Variants in APPBP2 observed in about 807,000 individuals in gnomAD.
APPBP2 encodes the protein amyloid beta precursor protein binding protein 2, also known as amyloid protein-binding protein 2.
A neutral mutation model predicts 76.0 loss-of-function variants in APPBP2; 15 were observed. The ratio of observed to expected loss-of-function variants is 0.20; its 90% CI spans 0.13 to 0.30. APPBP2 has a LOEUF of 0.30. Ranked by LOEUF, APPBP2 falls within the 10% of genes least tolerant of loss-of-function variation. APPBP2 has a pLI of 1.00. For synonymous variants in APPBP2, 222 were observed against 242.2 expected (o/e 0.92, Z 0.77); for missense variants, 401 against 687.2 (o/e 0.58, Z 4.66).
At chr17:60,521,457 T>C (rs1365865020) in intron 1 of APPBP2, among the ~76,000 whole-genome samples, 4 of 152,244 alleles carry the variant, frequency 2.6e-5, no homozygotes, top group Admixed American at 2.6e-4. Flanking sequence ...CCATTCACGG[T>C]AAGTGCCCTA....
chr17:60,474,582 T>C (rs1358257430), intron 4 of APPBP2, among the ~76,000 whole-genome samples: 3 of 152,222 alleles, frequency 2.0e-5, no homozygotes, highest in Non-Finnish European at 2.9e-5. Flanking sequence ...AATACTACTT[T>C]GTTGTTCAAA....
chr17:60,513,291 A>C (rs1430028795), intron 1 of APPBP2: 1 of 516,338 alleles, frequency 1.9e-6, no homozygotes, highest in African/African-American at 2.0e-5. Flanking sequence ...CAATCAATGT[A>C]TATTTGGGAA....
intron 3 of APPBP2, among the ~76,000 whole-genome samples, chr17:60,483,200 G>T (rs1219090335): frequency 7.9e-5 from 12 of 152,118 alleles, no homozygotes; most frequent in Non-Finnish European, 2.9e-5. Context: ...ATTTTTTCAT[G>T]TGTCTGTTGG....
rs1160691125 is a variant in APPBP2 at position 60,446,676 on chromosome 17, A to T, written c.*905T>A. 1.3e-5 allele frequency: 2 copies of T among 152,252 alleles called. No homozygotes were observed. The highest frequency in any genetic ancestry group is 2.9e-5 in the Non-Finnish European group (2 of 68,040). 9.4% of individuals were successfully genotyped at this position (152,252 alleles called of 1,614,324 possible). A position where few individuals can be genotyped will look rare whatever the true frequency, so the allele number is the denominator to read the frequency against. ...ATGGCACTGCCATCTGTGTACCTTG[A>T]CTAAAAATATGCCATTGAAATTGCC... On this transcript the variant is annotated 3_prime_UTR_variant, in exon 13 of 13. Coordinates refer to ENST00000083182, the MANE Select transcript of APPBP2 (RefSeq NM_006380.5).
intron 11 of APPBP2, among the ~76,000 whole-genome samples, chr17:60,452,504 G>T (rs181307761): frequency 0.012 from 1,796 of 152,094 alleles, 20 homozygotes; most frequent in Non-Finnish European, 0.016. Flanking sequence ...TTCATTTTTT[G>T]GAATTTTGAC....
intron 1 of APPBP2, among the ~76,000 whole-genome samples, chr17:60,512,722 C>T (rs1186020983): frequency 6.7e-6 from 1 of 149,256 alleles, no homozygotes; most frequent in Non-Finnish European, 1.5e-5. Flanking sequence ...GTAGTCCCAG[C>T]TACTCAGGAG....
chr17:60,511,224 C>G (rs1200868652), intron 1 of APPBP2, among the ~76,000 whole-genome samples: 1 of 152,178 alleles, frequency 6.6e-6, no homozygotes, highest in Admixed American at 6.5e-5. Flanking sequence ...CTTGAAGTTT[C>G]ACTACCAATA....
intron 9 of APPBP2, among the ~76,000 whole-genome samples, chr17:60,458,441 A>C (rs1057154988): frequency 1.3e-5 from 2 of 151,978 alleles, no homozygotes; most frequent in Non-Finnish European, 2.9e-5. Flanking sequence ...GTCTCAAAAA[A>C]AAAACAAAAC....
At chr17:60,524,158 C>T (rs760603811) in intron 1 of APPBP2, among the ~76,000 whole-genome samples, 1 of 152,182 alleles carries the variant, frequency 6.6e-6, no homozygotes, top group Non-Finnish European at 1.5e-5. Flanking sequence ...TAATAATCTT[C>T]AAATGAAAAG....
chr17:60,494,353 T>C, intron 3 of APPBP2, 113 bp downstream of exon 3: 1 of 1,156,812 alleles, frequency 8.6e-7, no homozygotes, highest in Non-Finnish European at 1.2e-6. Flanking sequence ...TCTGATGTTC[T>C]TCTCATAACC....
At chr17:60,460,866 A>G in intron 8 of APPBP2, 79 bp from the exon 9 acceptor site, 1 of 1,424,536 alleles carries the variant, frequency 7.0e-7, no homozygotes, top group Non-Finnish European at 9.5e-7. Flanking sequence ...TAATTTAAAT[A>G]TATATCTATA....
intron 2 of APPBP2, among the ~76,000 whole-genome samples, chr17:60,495,847 G>T (rs564537829): frequency 1.3e-5 from 2 of 152,158 alleles, no homozygotes; most frequent in South Asian, 4.2e-4. Context: ...ATTCACAGCA[G>T]CATTATTCAT....
intron 2 of APPBP2, 138 bp downstream of exon 2, chr17:60,500,261 C>A: frequency 1.7e-6 from 1 of 576,420 alleles, no homozygotes; most frequent in Non-Finnish European, 3.0e-6. Flanking sequence ...CCCACCTCAG[C>A]CTCCCAAAGT....
chr17:60,475,448 A>G (rs1191311228), intron 4 of APPBP2, among the ~76,000 whole-genome samples: 1 of 152,148 alleles, frequency 6.6e-6, no homozygotes, highest in African/African-American at 2.4e-5. Flanking sequence ...TATTTCCCTC[A>G]GATACGGTAC....
At chr17:60,523,132 T>A (rs2143512254) in intron 1 of APPBP2, among the ~76,000 whole-genome samples, 1 of 152,184 alleles carries the variant, frequency 6.6e-6, no homozygotes, top group East Asian at 1.9e-4. Context: ...TGATGGAAAT[T>A]TGGACTGCAA....
rs1355841368 is a variant in APPBP2 at position 60,500,342 on chromosome 17, T to C, written c.227+57A>G. 4 of 1,264,294 alleles carry C rather than the reference T, an allele frequency of 3.2e-6. No individual in the cohort carries two copies. The East Asian group carries it at 1.0e-4, about 32-fold the overall frequency. The allele number at this position is 1,264,294 out of a possible 1,614,324, so 78.3% of individuals were successfully genotyped here. On this transcript the variant is annotated intron_variant, in intron 2 of 12. Coordinates refer to ENST00000083182, the MANE Select transcript of APPBP2 (RefSeq NM_006380.5). ...ATATACTTAATGCCACTCAATTCGG[T>C]TAAAATGGTAAATTTTATGTTATGT... is the stretch of plus-strand genomic sequence containing the variant.
intron 12 of APPBP2, among the ~76,000 whole-genome samples, chr17:60,451,659 A>C (rs1214933800): frequency 1.3e-5 from 2 of 151,880 alleles, no homozygotes; most frequent in East Asian, 3.9e-4. Context: ...TGTATTTTTT[A>C]GTAGAGATGG....
At chr17:60,504,736 G>A (rs990187426) in intron 1 of APPBP2, among the ~76,000 whole-genome samples, 5 of 152,248 alleles carry the variant, frequency 3.3e-5, no homozygotes, top group East Asian at 1.9e-4. Flanking sequence ...GTCAGGAGGC[G>A]GAGGTTGCAA....
At chr17:60,490,515 AAAAAT>A (rs1306268751) in intron 3 of APPBP2, among the ~76,000 whole-genome samples, 8 of 152,172 alleles carry the variant, frequency 5.3e-5, no homozygotes, top group Non-Finnish European at 8.8e-5. Flanking sequence ...CAACAAAAAT[AAAAAT>A]TAGCTGTGTA....
Sources: allele counts gnomAD v4.1 joint callset (sites outside exome capture counted in the v4.1 genomes callset), GRCh38; gene constraint gnomAD v4.1.1; transcripts MANE v1.5; gene names NCBI Gene and HGNC (gene_info 2026-07-23, HGNC 2026-07-21).